The following RBBP8NL variants were observed in gnomAD, a reference collection of about 807,000 sequenced individuals.
The protein encoded by RBBP8NL is RBBP8 N-terminal-like protein.
RBBP8NL carries 59 observed loss-of-function variants against 62.2 expected under a neutral mutation model. That is an observed-to-expected ratio of 0.95 (90% CI 0.77 to 1.18). RBBP8NL has a LOEUF of 1.18. Among genes scored for constraint, RBBP8NL ranks in the 50% most tolerant of loss-of-function variants. The pLI is 0.00. For missense variants in RBBP8NL, 896 were observed against 899.5 expected, an observed-to-expected ratio of 1.00 and a Z score of 0.05; for synonymous variants, 412 against 394.1, an observed-to-expected ratio of 1.05 and a Z score of -0.54.
At chr20:62,417,856 G>A (rs1477755269) in intron 3 of RBBP8NL, among the ~76,000 whole-genome samples, 1 of 57,028 alleles carries the variant, frequency 1.8e-5, no homozygotes, top group Non-Finnish European at 3.1e-5. Context: ...CCTCTGTCAC[G>A]TCTGTCCTGT....
At chr20:62,426,844 C>G (rs1346977054) in intron 1 of RBBP8NL, among the ~76,000 whole-genome samples, 1 of 152,242 alleles carries the variant, frequency 6.6e-6, no homozygotes, top group Non-Finnish European at 1.5e-5. Flanking sequence ...CCGAGGTGTC[C>G]CTGCAGCTCA....
chr20:62,413,793 G>A (rs763959908), intron 10 of RBBP8NL, 28 bp downstream of exon 10: 51 of 1,561,100 alleles, frequency 3.3e-5, no homozygotes, highest in South Asian at 4.8e-5. Flanking sequence ...GCTGAGGACC[G>A]GGTCTGAGCC....
rs927888441 is a variant in RBBP8NL at position 62,410,578 on chromosome 20, G to A, written c.*300C>T. ...GAGCATTTCCCAGGTGGGTGGAGAC[G>A]GGGTGAATCGCCAGCCTGAGACCCC... On this transcript the variant is annotated 3_prime_UTR_variant, in exon 14 of 14. Transcript: ENST00000252998. The A allele has an allele frequency of 2.1e-5, 9 of 424,698 alleles. No homozygotes were observed. Among genetic ancestry groups the A allele is most frequent in the African/African-American group, 1.6e-4 (8 of 49,326 alleles). 26.3% of individuals were successfully genotyped at this position (424,698 alleles called of 1,614,324 possible).
chr20:62,419,341 A>G (rs968436470), intron 2 of RBBP8NL, among the ~76,000 whole-genome samples: 5 of 152,144 alleles, frequency 3.3e-5, no homozygotes, highest in Non-Finnish European at 7.4e-5. Context: ...CCTCGGGGTC[A>G]CACTCTGGGA....
chr20:62,416,339 C>T (rs1988566150), intron 5 of RBBP8NL, 103 bp from the exon 6 acceptor site: 1 of 1,063,838 alleles, frequency 9.4e-7, no homozygotes, highest in African/African-American at 1.6e-5. Context: ...GTGCCCCCAG[C>T]ACGTAGCCCA....
rs940586083 is a variant in RBBP8NL, at chr20:62,415,189, C to T, written c.726G>A (p.Thr242=). 41 of 1,533,420 alleles carry T rather than the reference C, an allele frequency of 2.7e-5. No individual in the cohort carries two copies. The highest frequency in any genetic ancestry group is 4.0e-5 in the Admixed American group (2 of 49,878). The allele number at this position is 1,533,420 out of a possible 1,614,324, so 95.0% of individuals were successfully genotyped here. A position where few individuals can be genotyped will look rare whatever the true frequency, so the allele number is the denominator to read the frequency against. Residue 242 remains threonine (T), a synonymous_variant, in exon 9 of 14, where the codon ACG becomes ACA. Transcript: ENST00000252998. ...TGCTCCTGGCGGGCAGTGGTGGGGG[C>T]GTCCCATTGGCGGGGCCTCGGTCGG... ...CPADRGPANG[T]PPPLPARSSP...
At position 62,412,633 on chromosome 20, in the gene RBBP8NL, C is replaced by T; in HGVS notation, c.1867G>A (p.Gly623Arg). 6.2e-7 allele frequency: 1 copy of T among 1,604,640 alleles called. No homozygotes were observed. ...CCCATGCCAGCTGTACCTTTGTCCC[C>T]AGGCTCCGAGGCCCGCTTCCTCTTC... ...PRKRKRASEP[G>R]DKASKKPSRG... The change falls in exon 13 of 14, where the codon GGG becomes AGG. Residue 623 changes from glycine to arginine, a missense_variant. Coordinates refer to ENST00000252998, the MANE Select transcript of RBBP8NL (RefSeq NM_080833.3).
intron 1 of RBBP8NL, among the ~76,000 whole-genome samples, chr20:62,421,317 G>T (rs114458098): frequency 9.0e-4 from 131 of 146,292 alleles, no homozygotes; most frequent in African/African-American, 3.1e-3. Context: ...GTGCACGCCC[G>T]AGCCAGTGTG....
chr20:62,420,706 C>G (rs1287230803), intron 1 of RBBP8NL, among the ~76,000 whole-genome samples: 1 of 152,256 alleles, frequency 6.6e-6, no homozygotes, highest in Non-Finnish European at 1.5e-5. Context: ...CAGCAGCCCC[C>G]TCTGCCCGGA....
In RBBP8NL at chr20:62,414,067, T is replaced by G. The variant is rs750632745; in HGVS notation, c.1284A>C (p.Thr428=). ...CACAGTCCTGCGTGGCTGCAGCCTC[T>G]GTCCTCTGGGCGCGGCCCGGGCCTG... ...QPAGPGRAQR[T]EAAATQDCAL... Residue 428 remains threonine, a synonymous_variant, in exon 10 of 14, where the codon ACA becomes ACC. Transcript: ENST00000252998. 1 of 1,596,448 alleles carries G rather than the reference T, an allele frequency of 6.3e-7. No individual in the cohort carries two copies. Among genetic ancestry groups the G allele is most frequent in the Admixed American group, 1.7e-5 (1 of 58,146 alleles).
chr20:62,415,525 C>T, intron 8 of RBBP8NL, 53 bp downstream of exon 8: 1 of 1,581,770 alleles, frequency 6.3e-7, no homozygotes, highest in Non-Finnish European at 8.7e-7. Context: ...CCTCCAGCCT[C>T]CTGCCTGCGC....
At position 62,415,131 on chromosome 20, in the gene RBBP8NL, A is replaced by G. The variant is rs1280160679; in HGVS notation, c.784T>C (p.Ser262Pro). The change falls in exon 9 of 14, where the codon TCC becomes CCC. Residue 262 changes from serine (S) to proline (P), a missense_variant. Physicochemically the swap from Ser to Pro is moderately conservative, Grantham distance 74. Transcript: ENST00000252998. ...PPSPAYERGL[S>P]LDSFLRASRP... ...GGGGCAGGCGGGCACCTGTCCAGGG[A>G]GAGGCCACGCTCATACGCTGGGCTG... The G allele has an allele frequency of 6.8e-7, 1 of 1,479,668 alleles. No individual in the cohort carries two copies. The highest frequency in any genetic ancestry group is 9.0e-7 in the Non-Finnish European group (1 of 1,111,784). 91.7% of individuals were successfully genotyped at this position (1,479,668 alleles called of 1,614,324 possible). A position where few individuals can be genotyped will look rare whatever the true frequency, so the allele number is the denominator to read the frequency against.
At chr20:62,427,263 C>T (rs1206681286) in intron 1 of RBBP8NL, among the ~76,000 whole-genome samples, 197 bp downstream of exon 1, 1 of 152,256 alleles carries the variant, frequency 6.6e-6, no homozygotes, top group Non-Finnish European at 1.5e-5. Context: ...CCACTGAGCT[C>T]TCTCCGTTGC....
At position 62,410,679 on chromosome 20, in the gene RBBP8NL, G is replaced by T; in HGVS notation, c.*199C>A. 1 of 588,900 alleles carries T rather than the reference G, an allele frequency of 1.7e-6. No individual in the cohort carries two copies. The highest frequency in any genetic ancestry group is 2.3e-5 in the South Asian group (1 of 44,160). 36.5% of individuals were successfully genotyped at this position (588,900 alleles called of 1,614,324 possible). On this transcript the variant is annotated 3_prime_UTR_variant, in exon 14 of 14. Transcript: ENST00000252998. ...GCTCTTCGGGGTTGCCTGCTGGTTG[G>T]GTGGTGTGCCCTCTCCAGGCTGTGG...
At chr20:62,417,359 C>T in intron 3 of RBBP8NL, 40 bp from the exon 4 acceptor site, 2 of 1,493,840 alleles carry the variant, frequency 1.3e-6, no homozygotes, top group Non-Finnish European at 1.8e-6. Context: ...CTGTTCCATC[C>T]AGGAAGCCAC....
At position 62,416,872 on chromosome 20, in the gene RBBP8NL, C is replaced by T. The variant is rs767727373; in HGVS notation, c.201G>A (p.Arg67=). 8 of 1,554,978 alleles carry T rather than the reference C, an allele frequency of 5.1e-6. No individual in the cohort carries two copies. In the East Asian group the frequency reaches 1.7e-4, roughly 32 times the overall value. Residue 67 remains arginine, a splice_region_variant and synonymous_variant, in exon 5 of 14, where the codon AGG becomes AGA. Transcript: ENST00000252998. ...LKENLRVLEN[R]LRAGLCDRCM... ...AGCGGTCGCACAGGCCGGCCCGCAG[C>T]CTGCAGGGATGGGGACGCAGGGGGT... is the stretch of plus-strand genomic sequence containing the variant.
chr20:62,415,355 C>T (rs1988538805), intron 8 of RBBP8NL, 68 bp from the exon 9 acceptor site: 2 of 1,486,566 alleles, frequency 1.3e-6, no homozygotes, highest in Middle Eastern at 2.3e-4. Flanking sequence ...CTGCCATAGC[C>T]TCTGCTGCCT....
In RBBP8NL at chr20:62,414,303, G is replaced by A. The variant is rs375317517; in HGVS notation, c.1048C>T (p.Arg350Cys). The A allele has an allele frequency of 7.6e-6, 12 of 1,569,906 alleles. No individual in the cohort carries two copies. The African/African-American group carries it at 9.4e-5, about 12-fold the overall frequency. ...AGCAGGTGCAGTGCCCCCTCCAGGCGAAGGTCCTGCATGCCCGCCAGGGCA... is the reference window on the plus strand; with the variant it reads ...AGCAGGTGCAGTGCCCCCTCCAGGCAAAGGTCCTGCATGCCCGCCAGGGCA... ...PSALAGMQDL[R>C]LEGALHLLLA... Residue 350 changes from arginine (R) to cysteine (C), a missense_variant, in exon 10 of 14, where the codon CGC (arginine) becomes TGC (cysteine). By Grantham distance (180) the Arg-to-Cys change is radical. Transcript: ENST00000252998.
intron 1 of RBBP8NL, among the ~76,000 whole-genome samples, chr20:62,421,171 A>G (rs1988688580): frequency 6.6e-6 from 1 of 152,112 alleles, no homozygotes; most frequent in Non-Finnish European, 1.5e-5. Context: ...AGACTTCTTC[A>G]CCGGGTGGCT....
Sources: allele counts gnomAD v4.1 joint callset (sites outside exome capture counted in the v4.1 genomes callset), GRCh38; gene constraint gnomAD v4.1.1; transcripts MANE v1.5; gene names NCBI Gene and HGNC (gene_info 2026-07-23, HGNC 2026-07-21).